The following HPCAL1 variants were observed in gnomAD, a reference collection of about 807,000 sequenced individuals.
HPCAL1 encodes the protein hippocalcin like 1, also known as hippocalcin-like protein 1.
Under a neutral mutation model 17.1 loss-of-function variants are expected in HPCAL1, and 8 were observed. That is an observed-to-expected ratio of 0.47 (90% CI 0.27 to 0.84). The LOEUF (loss-of-function observed/expected upper bound fraction) is 0.84, where lower values mean the gene tolerates loss of function less well. Among genes scored for constraint, HPCAL1 ranks in the 40% least tolerant of loss-of-function variants. The probability of loss-of-function intolerance (pLI) is 0.13; values close to 1 mark genes in which losing one functional copy is unlikely to be tolerated. For missense variants in HPCAL1, 165 were observed against 271.1 expected (o/e 0.61, Z 2.75); for synonymous variants, 112 against 111.4 (o/e 1.01, Z -0.03).
intron 1 of HPCAL1, among the ~76,000 whole-genome samples, chr2:10,364,483 C>T (rs1036741539): frequency 3.3e-5 from 5 of 152,152 alleles, no homozygotes; most frequent in Admixed American, 1.3e-4. Context: ...ACGAGGAGGC[C>T]GATCGGGTGT....
chr2:10,403,452 TTTTGTGTGTG>T (rs58125256), intron 2 of HPCAL1, among the ~76,000 whole-genome samples: 7,845 of 144,332 alleles, frequency 0.054, 446 homozygotes, highest in African/African-American at 0.11. Flanking sequence ...CAAAGAGTTC[TTTTGTGTGTG>T]TGTGTGTGTG....
At chr2:10,392,314 T>A (rs1398265840) in intron 1 of HPCAL1, among the ~76,000 whole-genome samples, 1 of 152,252 alleles carries the variant, frequency 6.6e-6, no homozygotes, top group African/African-American at 2.4e-5. Context: ...GGGCTGGGAT[T>A]ACAGGTGCGA....
chr2:10,414,330 C>T (rs1317250422), intron 2 of HPCAL1, among the ~76,000 whole-genome samples: 1 of 152,206 alleles, frequency 6.6e-6, no homozygotes, highest in African/African-American at 2.4e-5. Flanking sequence ...AACTACAGAA[C>T]TCTGTTTTCT....
chr2:10,378,967 A>G (rs1392530214), intron 1 of HPCAL1, among the ~76,000 whole-genome samples: 1 of 152,134 alleles, frequency 6.6e-6, no homozygotes, highest in Non-Finnish European at 1.5e-5. Context: ...GAGTCATGCT[A>G]TGTATTTGTT....
intron 2 of HPCAL1, among the ~76,000 whole-genome samples, chr2:10,404,533 C>T (rs576319839): frequency 6.6e-6 from 1 of 152,328 alleles, no homozygotes; most frequent in African/African-American, 2.4e-5. Flanking sequence ...TCAGCAGCCA[C>T]AGACTCCCCA....
At chr2:10,320,146 G>A (rs578223866) in intron 1 of HPCAL1, among the ~76,000 whole-genome samples, 4 of 152,126 alleles carry the variant, frequency 2.6e-5, no homozygotes, top group Non-Finnish European at 4.4e-5. Flanking sequence ...ACTGATGCCT[G>A]AGCTCCTGTG....
At chr2:10,376,967 ATTGTATTGTG>A (rs1667610321) in intron 1 of HPCAL1, among the ~76,000 whole-genome samples, 1 of 150,526 alleles carries the variant, frequency 6.6e-6, no homozygotes, top group Admixed American at 6.6e-5. Context: ...TACATACCGT[ATTGTATTGTG>A]TGTAGTACAA....
chr2:10,327,904 C>T (rs908077006), intron 1 of HPCAL1, among the ~76,000 whole-genome samples: 3 of 152,138 alleles, frequency 2.0e-5, no homozygotes, highest in Non-Finnish European at 4.4e-5. Flanking sequence ...TGGTTAGCCC[C>T]GGATCCATAA....
At position 10,363,643 on chromosome 2, in the gene HPCAL1, G is replaced by C. The variant is rs1572722211; in HGVS notation, c.-110-33192G>C. On this transcript the variant is annotated intron_variant, in intron 1 of 4. Transcript: ENST00000307845. This position sits in a 1 kb window ranked among gnomAD's most constrained non-coding sequence, Gnocchi z 4.7. ...AAGTGCAGATTCCTGGGTCATCCCA[G>C]ACCTGCTGAAGCCAAATCTTTAGGG... 6.6e-6 allele frequency among the ~76,000 whole-genome samples: 1 copy of C among 152,194 alleles called. No homozygotes were observed. The highest frequency in any genetic ancestry group is 2.4e-5 in the African/African-American group (1 of 41,440).
chr2:10,400,476 C>T (rs1445904894), intron 2 of HPCAL1, among the ~76,000 whole-genome samples: 3 of 152,208 alleles, frequency 2.0e-5, no homozygotes, highest in African/African-American at 7.2e-5. Context: ...GGCTTGCCTC[C>T]CCTCTAGTGC....
chr2:10,383,881 A>C (rs1445249494), intron 1 of HPCAL1, among the ~76,000 whole-genome samples: 2 of 152,004 alleles, frequency 1.3e-5, no homozygotes, highest in African/African-American at 2.4e-5. Flanking sequence ...GCTGGTAGGC[A>C]TGTCCCCTCA....
chr2:10,371,494 C>A (rs1214157753), intron 1 of HPCAL1, among the ~76,000 whole-genome samples: 1 of 152,096 alleles, frequency 6.6e-6, no homozygotes, highest in Non-Finnish European at 1.5e-5. Context: ...AGTGTGGCCC[C>A]ACCTTGGCTG....
chr2:10,302,912 CGCG>C lies in HPCAL1; in HGVS notation c.-365_-363del. ...TCCTTCCCGGAGCTGGCAGGCGGGC[CGCG>C]GCGGCGGCGGGCAGCGGACGGGCGG... On this transcript the variant is annotated 5_prime_UTR_variant, in exon 1 of 5. Coordinates refer to ENST00000307845, the MANE Select transcript of HPCAL1 (RefSeq NM_002149.4). 6.6e-6 allele frequency: 1 copy of C among 152,064 alleles called. No homozygotes were observed. The highest frequency in any genetic ancestry group is 1.5e-5 in the Non-Finnish European group (1 of 68,028). 9.4% of individuals were successfully genotyped at this position (152,064 alleles called of 1,614,324 possible).
In HPCAL1 at chr2:10,367,031, G is replaced by A. The variant is rs1666892072; in HGVS notation, c.-110-29804G>A. ...GAGGCTGCCTGAGATCCCACAGTGA[G>A]GCTGGCCCTGCCCTTGCTCGCCCAG... On this transcript the variant is annotated intron_variant, in intron 1 of 4. Transcript: ENST00000307845. The surrounding 1 kb of genome is among the most constrained non-coding windows in gnomAD (Gnocchi z 4.4). Among the ~76,000 whole-genome samples, 1 of 152,076 alleles carries A rather than the reference G, an allele frequency of 6.6e-6. No homozygotes were observed. The highest frequency in any genetic ancestry group is 6.5e-5 in the Admixed American group (1 of 15,288).
rs1400486699 is a variant in HPCAL1, at chr2:10,367,910, G to A, written c.-110-28925G>A. On this transcript the variant is annotated intron_variant, in intron 1 of 4. Coordinates refer to ENST00000307845, the MANE Select transcript of HPCAL1 (RefSeq NM_002149.4). This position sits in a 1 kb window ranked among gnomAD's most constrained non-coding sequence, Gnocchi z 4.4. ...TGCCTGTGTGCTTGCATGTGTGTAT[G>A]TGCGTGTGTGCCCATATGCGTGTGT... 1.3e-5 allele frequency among the ~76,000 whole-genome samples: 2 copies of A among 152,104 alleles called. No individual in the cohort carries two copies. The highest frequency in any genetic ancestry group is 1.3e-4 in the Admixed American group (2 of 15,262).
At chr2:10,328,837 C>T (rs1861233) in intron 1 of HPCAL1, among the ~76,000 whole-genome samples, 33,523 of 151,810 alleles carry the variant, frequency 0.22, 4,303 homozygotes, top group Middle Eastern at 0.29. Context: ...CCCTTTTGTT[C>T]GACATGTGGG....
chr2:10,310,163 A>AC lies in HPCAL1; in HGVS notation c.-111+6987dup, dbSNP rs1230106576. Among the ~76,000 whole-genome samples the AC allele has an allele frequency of 3.3e-5, 5 of 152,126 alleles. No individual in the cohort carries two copies. Among genetic ancestry groups the AC allele is most frequent in the East Asian group, 3.9e-4 (2 of 5,170 alleles). On this transcript the variant is annotated intron_variant, in intron 1 of 4. Coordinates refer to ENST00000307845, the MANE Select transcript of HPCAL1 (RefSeq NM_002149.4). The surrounding 1 kb of genome is among the most constrained non-coding windows in gnomAD (Gnocchi z 4.5). ...AAACCCAGGTCTGCAGATGTGGCAG[A>AC]CTGGGTTTGAACTGTAGTCTTTGCT...
intron 2 of HPCAL1, among the ~76,000 whole-genome samples, chr2:10,418,382 C>T (rs988969818): frequency 2.8e-5 from 4 of 141,840 alleles, no homozygotes; most frequent in East Asian, 2.1e-4. Context: ...TGCAGTGAGC[C>T]GAGATCACAC....
intron 1 of HPCAL1, among the ~76,000 whole-genome samples, chr2:10,335,162 G>C (rs183245343): frequency 6.6e-6 from 1 of 152,142 alleles, no homozygotes; most frequent in Non-Finnish European, 1.5e-5. Context: ...CCCTTCCCTC[G>C]GGTGTTGGCT....
Sources: allele counts gnomAD v4.1 joint callset (sites outside exome capture counted in the v4.1 genomes callset), GRCh38; gene constraint gnomAD v4.1.1; non-coding constraint Gnocchi (gnomAD v3.1); transcripts MANE v1.5; gene names NCBI Gene and HGNC (gene_info 2026-07-23, HGNC 2026-07-21).